The following CHRAC1 variants were observed in gnomAD, a reference collection of about 807,000 sequenced individuals.
The protein encoded by CHRAC1 is chromatin accessibility complex subunit 1.
Under a neutral mutation model 9.1 loss-of-function variants are expected in CHRAC1, and 6 were observed. The ratio of observed to expected loss-of-function variants is 0.66; its 90% confidence interval spans 0.36 to 1.29. CHRAC1 has a LOEUF of 1.29. Ranked by LOEUF, CHRAC1 falls within the 50% of genes most tolerant of loss-of-function variation. CHRAC1 has a pLI of 0.03. For synonymous variants in CHRAC1, 73 were observed against 64.5 expected, an observed-to-expected ratio of 1.13 and a Z score of -0.63; for missense variants, 168 against 163.5, an observed-to-expected ratio of 1.03 and a Z score of -0.15.
intron 1 of CHRAC1, 61 bp downstream of exon 1, chr8:140,511,707 T>C (rs1425661086): frequency 8.0e-7 from 1 of 1,257,138 alleles, no homozygotes; most frequent in East Asian, 3.2e-5. Flanking sequence ...CCCGCCGGGC[T>C]CTGGGCACTG....
In CHRAC1 at chr8:140,511,536, G is replaced by A; in HGVS notation, c.37G>A (p.Glu13Lys). The A allele has an allele frequency of 1.4e-6, 2 of 1,415,146 alleles. No homozygotes were observed. Among genetic ancestry groups the A allele is most frequent in the Non-Finnish European group, 9.3e-7 (1 of 1,076,450 alleles). The allele number at this position is 1,415,146 out of a possible 1,614,324, so 87.7% of individuals were successfully genotyped here. The part of the protein sequence containing the change: ...DVVVGKDKGG[E>K]QRLISLPLSR... ...GGTCGTGGGTAAAGACAAGGGCGGGGAGCAGCGGCTCATCTCGCTGCCTCT... is the reference window on the plus strand; with the variant it reads ...GGTCGTGGGTAAAGACAAGGGCGGGAAGCAGCGGCTCATCTCGCTGCCTCT... Residue 13 changes from glutamate (E) to lysine (K), a missense_variant, in exon 1 of 3, where the codon GAG (glutamate) becomes AAG (lysine). Coordinates refer to ENST00000220913, the MANE Select transcript of CHRAC1 (RefSeq NM_017444.6).
In CHRAC1 at chr8:140,515,716, A is replaced by T. The variant is rs567030360; in HGVS notation, c.*469A>T. 3 of 153,026 alleles carry T rather than the reference A, an allele frequency of 2.0e-5. No homozygotes were observed. The East Asian group carries it at 5.8e-4, about 29-fold the overall frequency. 9.5% of individuals were successfully genotyped at this position (153,026 alleles called of 1,614,324 possible). ...ATGTTACATTTGAATTTTTGTCTTAAGAAAAGTTGACTGTTCAGATATTTT... is the reference window on the plus strand; with the variant it reads ...ATGTTACATTTGAATTTTTGTCTTATGAAAAGTTGACTGTTCAGATATTTT... On this transcript the variant is annotated 3_prime_UTR_variant, in exon 3 of 3. Transcript: ENST00000220913.
rs1457724292 is a variant in CHRAC1 at position 140,511,478 on chromosome 8, C to A, written c.-22C>A. 2 of 1,311,746 alleles carry A rather than the reference C, an allele frequency of 1.5e-6. No homozygotes were observed. The highest frequency in any genetic ancestry group is 6.3e-5 in the East Asian group (2 of 31,738). 81.3% of individuals were successfully genotyped at this position (1,311,746 alleles called of 1,614,324 possible). A position where few individuals can be genotyped will look rare whatever the true frequency, so the allele number is the denominator to read the frequency against. On this transcript the variant is annotated 5_prime_UTR_variant, in exon 1 of 3. Transcript: ENST00000220913. The stretch of plus-strand genomic sequence containing the variant: ...CGCGGTCGGGCCCGCCGGCTGCGGG[C>A]ACCCGCGCGACGGGCGGGAAGATGG...
rs2072330270 is a variant in CHRAC1 at position 140,515,888 on chromosome 8, C to T, written c.*641C>T. On this transcript the variant is annotated 3_prime_UTR_variant, in exon 3 of 3. Transcript: ENST00000220913. ...TTTGAGAAATTTAAAAATAAGCATT[C>T]TAACACTTTTATTCCCACAGAAAAA... 3 of 152,280 alleles carry T rather than the reference C, an allele frequency of 2.0e-5. No individual in the cohort carries two copies. The East Asian group carries it at 5.8e-4, about 29-fold the overall frequency. 9.4% of individuals were successfully genotyped at this position (152,280 alleles called of 1,614,324 possible). A position where few individuals can be genotyped will look rare whatever the true frequency, so the allele number is the denominator to read the frequency against.
chr8:140,515,041 C>A (rs2072319207), intron 2 of CHRAC1, 85 bp from the exon 3 acceptor site: 2 of 1,333,628 alleles, frequency 1.5e-6, no homozygotes, highest in Admixed American at 2.0e-5. Flanking sequence ...GAGGTCAAAG[C>A]AGGAACTAGT....
At position 140,511,416 on chromosome 8, in the gene CHRAC1, C is replaced by T. The variant is rs911006080; in HGVS notation, c.-84C>T. The stretch of plus-strand genomic sequence containing the variant: ...TCCCACGGGGCAGCGGGCGCGGCTC[C>T]CCGTACCCACCAGCTGGCCGGGCAG... On this transcript the variant is annotated 5_prime_UTR_variant, in exon 1 of 3. Coordinates refer to ENST00000220913, the MANE Select transcript of CHRAC1 (RefSeq NM_017444.6). 1.7e-6 allele frequency: 2 copies of T among 1,207,780 alleles called. No homozygotes were observed. The highest frequency in any genetic ancestry group is 2.1e-6 in the Non-Finnish European group (2 of 940,518). 74.8% of individuals were successfully genotyped at this position (1,207,780 alleles called of 1,614,324 possible).
At position 140,514,421 on chromosome 8, in the gene CHRAC1, A is replaced by C; in HGVS notation, c.200A>C (p.Lys67Thr). 6.3e-7 allele frequency: 1 copy of C among 1,586,880 alleles called. No homozygotes were observed. Among genetic ancestry groups the C allele is most frequent in the Non-Finnish European group, 8.5e-7 (1 of 1,172,254 alleles). Reference protein sequence around the residue: ...ATYSYRHGSGKEKKVLTYSDL... With the variant: ...ATYSYRHGSGTEKKVLTYSDL... ...TATTCCTACAGACACGGCAGTGGAA[A>C]GGAAAAGAAAGTACTGACTTACAGT... is the stretch of plus-strand genomic sequence containing the variant. Residue 67 changes from lysine (K) to threonine (T), a missense_variant, in exon 2 of 3, where the codon AAG becomes ACG. Physicochemically the swap from Lys to Thr is moderately conservative, Grantham distance 78 (BLOSUM62 -1). Transcript: ENST00000220913.
rs1463853771 is a variant in CHRAC1 at position 140,511,420 on chromosome 8, T to C, written c.-80T>C. On this transcript the variant is annotated 5_prime_UTR_variant, in exon 1 of 3. Transcript: ENST00000220913. ...ACGGGGCAGCGGGCGCGGCTCCCCG[T>C]ACCCACCAGCTGGCCGGGCAGGGCA... 8.2e-7 allele frequency: 1 copy of C among 1,216,006 alleles called. No homozygotes were observed. The highest frequency in any genetic ancestry group is 1.1e-6 in the Non-Finnish European group (1 of 947,336). 75.3% of individuals were successfully genotyped at this position (1,216,006 alleles called of 1,614,324 possible).
At chr8:140,513,913 C>CTTTTTTTTTTTTTT (rs57880666) in intron 1 of CHRAC1, among the ~76,000 whole-genome samples, 2 of 87,478 alleles carry the variant, frequency 2.3e-5, no homozygotes, top group African/African-American at 8.6e-5. Flanking sequence ...CCAGTGATTT[C>CTTTTTTTTTTTTTT]TTTTTTTTTT....
rs1226644243 is a variant in CHRAC1, at chr8:140,515,737, A to AT, written c.*495dup. ...CTTAAGAAAAGTTGACTGTTCAGAT[A>AT]TTTTTCTACTGTAAAGAAATATACT... On this transcript the variant is annotated 3_prime_UTR_variant, in exon 3 of 3. Transcript: ENST00000220913. 1 of 152,572 alleles carries AT rather than the reference A, an allele frequency of 6.6e-6. No homozygotes were observed. Among genetic ancestry groups the AT allele is most frequent in the Admixed American group, 6.5e-5 (1 of 15,310 alleles). 9.5% of individuals were successfully genotyped at this position (152,572 alleles called of 1,614,324 possible).
At chr8:140,511,864 C>T in intron 1 of CHRAC1, 1 of 767,048 alleles carries the variant, frequency 1.3e-6, no homozygotes, top group Admixed American at 2.2e-5. Flanking sequence ...CCCCTCGCCG[C>T]TCCCTCACGT....
Position 140,511,678 on chromosome 8 carries a change from C to T in CHRAC1, c.147+32C>T, listed in dbSNP as rs780421673. The T allele has an allele frequency of 4.6e-6, 6 of 1,315,748 alleles. No individual in the cohort carries two copies. The South Asian group carries it at 7.4e-5, about 16-fold the overall frequency. 81.5% of individuals were successfully genotyped at this position (1,315,748 alleles called of 1,614,324 possible). A position where few individuals can be genotyped will look rare whatever the true frequency, so the allele number is the denominator to read the frequency against. Reference sequence around the variant, plus strand: ...GGGCAGGGCGGGGGTGTGGGCCGCCCTTACCCCTCGCGCCCCGCCCCGCCG... The same window carrying T: ...GGGCAGGGCGGGGGTGTGGGCCGCCTTTACCCCTCGCGCCCCGCCCCGCCG... On this transcript the variant is annotated intron_variant, in intron 1 of 2. Transcript: ENST00000220913.
Position 140,515,983 on chromosome 8 carries a change from A to C in CHRAC1, c.*736A>C, listed in dbSNP as rs1033149997. Reference sequence around the variant, plus strand: ...TCTTGTATAAGCATGTTGTACTAAAAAAAAATTTTGAAACATTTTGTATAT... The same window carrying C: ...TCTTGTATAAGCATGTTGTACTAAACAAAAATTTTGAAACATTTTGTATAT... On this transcript the variant is annotated 3_prime_UTR_variant, in exon 3 of 3. Transcript: ENST00000220913. 2.0e-5 allele frequency: 3 copies of C among 152,226 alleles called. No individual in the cohort carries two copies. The highest frequency in any genetic ancestry group is 7.2e-5 in the African/African-American group (3 of 41,456). The allele number at this position is 152,226 out of a possible 1,614,324, so 9.4% of individuals were successfully genotyped here. A position where few individuals can be genotyped will look rare whatever the true frequency, so the allele number is the denominator to read the frequency against.
rs547900194 is a variant in CHRAC1, at chr8:140,511,530, G to A, written c.31G>A (p.Gly11Ser). The A allele has an allele frequency of 2.1e-6, 3 of 1,399,178 alleles. No homozygotes were observed. In the East Asian group the frequency reaches 8.9e-5, roughly 41 times the overall value. 86.7% of individuals were successfully genotyped at this position (1,399,178 alleles called of 1,614,324 possible). A position where few individuals can be genotyped will look rare whatever the true frequency, so the allele number is the denominator to read the frequency against. Residue 11 changes from glycine (G) to serine (S), a missense_variant, in exon 1 of 3, where the codon GGC becomes AGC. Transcript: ENST00000220913. The part of the protein sequence containing the change: MADVVVGKDK[G>S]GEQRLISLPL... ...GGACGTGGTCGTGGGTAAAGACAAG[G>A]GCGGGGAGCAGCGGCTCATCTCGCT... is the stretch of plus-strand genomic sequence containing the variant.
At chr8:140,512,256 G>T (rs2072285484) in intron 1 of CHRAC1, among the ~76,000 whole-genome samples, 1 of 151,944 alleles carries the variant, frequency 6.6e-6, no homozygotes, top group Non-Finnish European at 1.5e-5. Context: ...CTCCTCCAGT[G>T]TCCCGTGGGA....
chr8:140,515,350 TCA>T lies in CHRAC1; in HGVS notation c.*106_*107del, dbSNP rs765105985. ...GCCCGCTTTTAGCGTCTTCACTTCT[TCA>T]CAGAGTTCCAGTGTGTGGTATTCTT... On this transcript the variant is annotated 3_prime_UTR_variant, in exon 3 of 3. Transcript: ENST00000220913. 1 of 1,243,096 alleles carries T rather than the reference TCA, an allele frequency of 8.0e-7. No individual in the cohort carries two copies. Among genetic ancestry groups the T allele is most frequent in the Non-Finnish European group, 1.1e-6 (1 of 882,874 alleles). The allele number at this position is 1,243,096 out of a possible 1,614,324, so 77.0% of individuals were successfully genotyped here. A position where few individuals can be genotyped will look rare whatever the true frequency, so the allele number is the denominator to read the frequency against.
chr8:140,512,551 A>G (rs933339451), intron 1 of CHRAC1, among the ~76,000 whole-genome samples: 1 of 152,314 alleles, frequency 6.6e-6, no homozygotes, highest in African/African-American at 2.4e-5. Flanking sequence ...ACACTGGGCC[A>G]TGTTTCAGCT....
chr8:140,511,566 C>T lies in CHRAC1; in HGVS notation c.67C>T (p.Arg23Cys). The change falls in exon 1 of 3, where the codon CGC becomes TGC. Residue 23 changes from arginine (R) to cysteine (C), a missense_variant. Transcript: ENST00000220913. ...EQRLISLPLS[R>C]IRVIMKSSPE... ...GCGGCTCATCTCGCTGCCTCTATCC[C>T]GCATCCGGGTCATCATGAAGAGCTC... The T allele has an allele frequency of 1.4e-6, 2 of 1,467,716 alleles. No individual in the cohort carries two copies. Among genetic ancestry groups the T allele is most frequent in the Non-Finnish European group, 1.8e-6 (2 of 1,102,308 alleles). 90.9% of individuals were successfully genotyped at this position (1,467,716 alleles called of 1,614,324 possible).
In CHRAC1 at chr8:140,511,896, C is replaced by T. The variant is rs933229620; in HGVS notation, c.147+250C>T. 5.3e-6 allele frequency: 5 copies of T among 948,472 alleles called. No individual in the cohort carries two copies. In the African/African-American group the frequency reaches 8.3e-5, roughly 16 times the overall value. The allele number at this position is 948,472 out of a possible 1,614,324, so 58.8% of individuals were successfully genotyped here. ...ACGTTCTCCAGTTTCTTCGCCTCGC[C>T]TACCGCGCGCCTCTCCCGCCCTTTG... On this transcript the variant is annotated intron_variant, in intron 1 of 2. Coordinates refer to ENST00000220913, the MANE Select transcript of CHRAC1 (RefSeq NM_017444.6).
Sources: allele counts gnomAD v4.1 joint callset (sites outside exome capture counted in the v4.1 genomes callset), GRCh38; gene constraint gnomAD v4.1.1; transcripts MANE v1.5; gene names NCBI Gene and HGNC (gene_info 2026-07-23, HGNC 2026-07-21).